TMEM132E: variants seen among roughly 807,000 people sequenced by gnomAD.
The protein encoded by TMEM132E is transmembrane protein 132E.
In TMEM132E, 49 loss-of-function variants were observed where a neutral mutation model predicts 78.5. The ratio of observed to expected loss-of-function variants is 0.62; its 90% CI spans 0.50 to 0.79. TMEM132E has a LOEUF of 0.79. TMEM132E is among the 30% of genes least tolerant of loss of function. TMEM132E has a pLI of 0.00. For synonymous variants in TMEM132E, 715 were observed against 670.6 expected (o/e 1.07, Z -1.02); for missense variants, 1,403 against 1,470.9 (o/e 0.95, Z 0.75).
At chr17:34,608,005 T>G (rs1906471206) in intron 1 of TMEM132E, among the ~76,000 whole-genome samples, 2 of 152,208 alleles carry the variant, frequency 1.3e-5, no homozygotes, top group South Asian at 2.1e-4. Context: ...CATTGGCCAT[T>G]GTTGATTGGC....
chr17:34,633,196 G>T (rs927605051), intron 6 of TMEM132E, among the ~76,000 whole-genome samples: 16 of 152,358 alleles, frequency 1.1e-4, no homozygotes, highest in African/African-American at 3.4e-4. Flanking sequence ...GAAGCCCCGT[G>T]TGCAGGGAAT....
intron 5 of TMEM132E, among the ~76,000 whole-genome samples, chr17:34,631,173 G>GTC (rs564670057): frequency 6.6e-6 from 1 of 152,314 alleles, no homozygotes; most frequent in East Asian, 1.9e-4. Flanking sequence ...CCCTCCTGCT[G>GTC]TCTCTCTCTC....
chr17:34,618,586 T>G lies in TMEM132E; in HGVS notation c.68-7541T>G, dbSNP rs148904934. ...GTTTATTAGATTCCCAAAGCAGGATTTCTTGGGTCAAAGAGCATGAACAGT... is the reference window on the plus strand; with the variant it reads ...GTTTATTAGATTCCCAAAGCAGGATGTCTTGGGTCAAAGAGCATGAACAGT... On this transcript the variant is annotated intron_variant, in intron 1 of 8. Transcript: ENST00000631683. Among the ~76,000 whole-genome samples, 874 of 152,192 alleles carry G rather than the reference T, an allele frequency of 5.7e-3. 27 individuals are homozygous for G. The South Asian group carries it at 0.074, about 13-fold the overall frequency.
chr17:34,598,293 G>C (rs986715355), intron 1 of TMEM132E, among the ~76,000 whole-genome samples: 4 of 152,064 alleles, frequency 2.6e-5, no homozygotes, highest in African/African-American at 7.2e-5. Flanking sequence ...AGGGGTCTGG[G>C]TGGTGCTATT....
chr17:34,580,813 A>T lies in TMEM132E; in HGVS notation c.-264A>T. The T allele has an allele frequency of 4.9e-6, 2 of 405,534 alleles. No individual in the cohort carries two copies. Among genetic ancestry groups the T allele is most frequent in the Non-Finnish European group, 8.8e-6 (2 of 227,760 alleles). The allele number at this position is 405,534 out of a possible 1,614,324, so 25.1% of individuals were successfully genotyped here. On this transcript the variant is annotated 5_prime_UTR_variant, in exon 1 of 9. Coordinates refer to ENST00000631683, the MANE Select transcript of TMEM132E (RefSeq NM_001304438.2). ...GTGCAGCTCCCCCCGCGCCTCGCAGATCCTGCAGGGGGCACCAGCTGGGGG... is the reference window on the plus strand; with the variant it reads ...GTGCAGCTCCCCCCGCGCCTCGCAGTTCCTGCAGGGGGCACCAGCTGGGGG...
At chr17:34,617,376 T>C (rs1906818194) in intron 1 of TMEM132E, among the ~76,000 whole-genome samples, 1 of 152,232 alleles carries the variant, frequency 6.6e-6, no homozygotes, top group Non-Finnish European at 1.5e-5. Context: ...GTCATCTCTG[T>C]ACTTGTCTTA....
chr17:34,589,949 A>G (rs886465111), intron 1 of TMEM132E, among the ~76,000 whole-genome samples: 12 of 152,206 alleles, frequency 7.9e-5, no homozygotes, highest in African/African-American at 2.4e-4. Flanking sequence ...CAGAGAAATG[A>G]TCTCAATTTT....
intron 1 of TMEM132E, among the ~76,000 whole-genome samples, chr17:34,625,224 G>A (rs1448416065): frequency 6.6e-6 from 1 of 152,204 alleles, no homozygotes; most frequent in Non-Finnish European, 1.5e-5. Context: ...GCAGCCTGAG[G>A]TGGAATTGCC....
At position 34,638,116 on chromosome 17, in the gene TMEM132E, G is replaced by A. The variant is rs1276597503; in HGVS notation, c.3109G>A (p.Asp1037Asn). 6.2e-7 allele frequency: 1 copy of A among 1,604,690 alleles called. No individual in the cohort carries two copies. The highest frequency in any genetic ancestry group is 8.5e-7 in the Non-Finnish European group (1 of 1,176,280). ...TGACTCGGTGCCCGCGGGCGAAGAGGACGAGGAGGAGGAAGAGGACCTGGG... is the reference window on the plus strand; with the variant it reads ...TGACTCGGTGCCCGCGGGCGAAGAGAACGAGGAGGAGGAAGAGGACCTGGG... Reference protein sequence around the residue: ...AYDSVPAGEEDEEEEEDLGWG... With the variant: ...AYDSVPAGEENEEEEEDLGWG... Residue 1037 changes from aspartate (D) to asparagine (N), a missense_variant, in exon 9 of 9, where the codon GAC becomes AAC. Asp to Asn is a conservative substitution (Grantham distance 23). Coordinates refer to ENST00000631683, the MANE Select transcript of TMEM132E (RefSeq NM_001304438.2).
chr17:34,626,088 C>G (rs1367502713), intron 1 of TMEM132E, 39 bp from the exon 2 acceptor site: 1 of 1,456,726 alleles, frequency 6.9e-7, no homozygotes, highest in African/African-American at 1.4e-5. Flanking sequence ...CGTGGCCTCT[C>G]CTGACCACCC....
At chr17:34,596,126 C>T (rs2142056065) in intron 1 of TMEM132E, among the ~76,000 whole-genome samples, 1 of 152,140 alleles carries the variant, frequency 6.6e-6, no homozygotes, top group South Asian at 2.1e-4. Context: ...CCAGTGAAGG[C>T]CATCTTTAGA....
chr17:34,629,693 G>A (rs1907283148), intron 4 of TMEM132E, among the ~76,000 whole-genome samples: 1 of 152,170 alleles, frequency 6.6e-6, no homozygotes, highest in Non-Finnish European at 1.5e-5. Context: ...GCATGTGTTG[G>A]ATGTTACTGT....
chr17:34,591,129 C>T (rs931942648), intron 1 of TMEM132E, among the ~76,000 whole-genome samples: 1 of 152,078 alleles, frequency 6.6e-6, no homozygotes, highest in African/African-American at 2.4e-5. Flanking sequence ...GGGCTCAGTA[C>T]GTGGAAGTGT....
At chr17:34,605,060 G>A (rs559838952) in intron 1 of TMEM132E, among the ~76,000 whole-genome samples, 66 of 152,204 alleles carry the variant, frequency 4.3e-4, no homozygotes, top group Non-Finnish European at 7.5e-4. Context: ...GAATCACTGG[G>A]TGATCCTGGA....
At chr17:34,624,729 G>C (rs1309658171) in intron 1 of TMEM132E, among the ~76,000 whole-genome samples, 1 of 152,128 alleles carries the variant, frequency 6.6e-6, no homozygotes, top group African/African-American at 2.4e-5. Context: ...TGTGTAGGGG[G>C]CCCTGAATGT....
rs746516048 is a variant in TMEM132E, at chr17:34,581,098, C to A, written c.22C>A (p.Arg8Ser). 6.5e-7 allele frequency: 1 copy of A among 1,545,226 alleles called. No individual in the cohort carries two copies. Among genetic ancestry groups the A allele is most frequent in the South Asian group, 1.2e-5 (1 of 83,390 alleles). ...GGCCATGGCCCCGGGGATGTCGGGC[C>A]GCGGCGGCGCCGCCCTGCTCTGCCT... MAPGMSG[R>S]GGAALLCLSA... Residue 8 changes from arginine (R) to serine (S), a missense_variant, in exon 1 of 9, where the codon CGC (arginine) becomes AGC (serine). Coordinates refer to ENST00000631683, the MANE Select transcript of TMEM132E (RefSeq NM_001304438.2).
intron 5 of TMEM132E, among the ~76,000 whole-genome samples, chr17:34,631,312 C>T (rs1189411507): frequency 6.6e-6 from 1 of 152,096 alleles, no homozygotes; most frequent in Non-Finnish European, 1.5e-5. Flanking sequence ...CACTGCATCA[C>T]CCCCTTCAGA....
intron 7 of TMEM132E, chr17:34,635,657 A>T: frequency 4.4e-6 from 1 of 226,660 alleles, no homozygotes; most frequent in Non-Finnish European, 8.5e-6. Flanking sequence ...CACGAGAATG[A>T]GTTCCCTCAT....
chr17:34,593,425 A>G (rs1905947416), intron 1 of TMEM132E, among the ~76,000 whole-genome samples: 1 of 152,214 alleles, frequency 6.6e-6, no homozygotes, highest in Non-Finnish European at 1.5e-5. Flanking sequence ...CCACAGCCAC[A>G]TGTGGTGAGT....
Sources: gnomAD v4.1 joint callset for allele counts (sites outside exome capture counted in the v4.1 genomes callset) on GRCh38, gnomAD v4.1.1 for gene constraint, MANE v1.5 for transcripts, NCBI Gene and HGNC (gene_info 2026-07-23, HGNC 2026-07-21) for gene names.